The following C10orf90 variants were observed in gnomAD, a reference collection of about 807,000 sequenced individuals.
C10orf90 encodes chromosome 10 open reading frame 90, also known as (E2-independent) E3 ubiquitin-conjugating enzyme FATS.
Under a neutral mutation model 62.5 loss-of-function variants are expected in C10orf90, and 56 were observed. The ratio of observed to expected loss-of-function variants is 0.90; its 90% confidence interval spans 0.72 to 1.12. The LOEUF (loss-of-function observed/expected upper bound fraction) is 1.12. C10orf90 is among the 50% of genes most tolerant of loss of function. C10orf90 has a pLI of 0.00. For synonymous variants in C10orf90, 386 were observed against 340.4 expected (o/e 1.13, Z -1.47); for missense variants, 970 against 880.4 (o/e 1.10, Z -1.29).
intron 2 of C10orf90, among the ~76,000 whole-genome samples, chr10:126,575,322 C>G (rs1227594784): frequency 6.6e-6 from 1 of 151,736 alleles, no homozygotes; most frequent in African/African-American, 2.4e-5. Flanking sequence ...CCACTTATAA[C>G]AGCTACCAAA....
rs1857210505 is a variant in C10orf90 at position 126,425,414 on chromosome 10, C to T, written c.*450G>A. ...TTCAAATATACTATATGATGACCCACATTTTGGCATTTGCATAACTGGCAG... is the reference window on the plus strand; with the variant it reads ...TTCAAATATACTATATGATGACCCATATTTTGGCATTTGCATAACTGGCAG... On this transcript the variant is annotated 3_prime_UTR_variant, in exon 10 of 10. Transcript: ENST00000488181. The T allele has an allele frequency of 1.1e-5, 2 of 174,668 alleles. No individual in the cohort carries two copies. The highest frequency in any genetic ancestry group is 5.7e-5 in the Admixed American group (1 of 17,660). The allele number at this position is 174,668 out of a possible 1,614,324, so 10.8% of individuals were successfully genotyped here. A position where few individuals can be genotyped will look rare whatever the true frequency, so the allele number is the denominator to read the frequency against.
At chr10:126,521,519 A>C in intron 2 of C10orf90, 1 of 1,329,410 alleles carries the variant, frequency 7.5e-7, no homozygotes. Flanking sequence ...GAATGTTTAC[A>C]GGGCAACCAG....
chr10:126,490,021 AATATATAATATATAATATATATTATATAT>A (rs1564828070), intron 4 of C10orf90, among the ~76,000 whole-genome samples: 6 of 63,940 alleles, frequency 9.4e-5, no homozygotes, highest in African/African-American at 4.5e-4. Context: ...TATTATATAT[AATATATAATATATAATATATATTATATAT>A]TATGTTATAT....
chr10:126,555,680 GTAAATAAATAAA>G (rs71032506), intron 2 of C10orf90, among the ~76,000 whole-genome samples: 1,510 of 136,462 alleles, frequency 0.011, 33 homozygotes, highest in African/African-American at 0.038. Flanking sequence ...CTCTATCTCA[GTAAATAAATAAA>G]TAAATAAATA....
chr10:126,461,565 A>T lies in C10orf90; in HGVS notation c.1846T>A (p.Leu616Met), dbSNP rs1434092949. 1.2e-6 allele frequency: 2 copies of T among 1,613,896 alleles called. No homozygotes were observed. Among genetic ancestry groups the T allele is most frequent in the Admixed American group, 1.7e-5 (1 of 59,958 alleles). Reference sequence around the variant, plus strand: ...TTACATTCCTTTATTTTTACAACCAAGTCACAGCATGTGTAATCTCCTAGG... The same window carrying T: ...TTACATTCCTTTATTTTTACAACCATGTCACAGCATGTGTAATCTCCTAGG... ...FPKGDYTCCD[L>M]VVKIKECKKS... Residue 616 changes from leucine (L) to methionine (M), a missense_variant, in exon 6 of 10, where the codon TTG becomes ATG. Leu to Met is a conservative substitution (Grantham distance 15). Transcript: ENST00000488181.
chr10:126,585,382 A>AGGAGGGAAGAAGGGAGGGAGAGAGG (rs1844840991), intron 2 of C10orf90, among the ~76,000 whole-genome samples: 1 of 150,622 alleles, frequency 6.6e-6, no homozygotes, highest in African/African-American at 2.4e-5. Flanking sequence ...AAGGAAGAAA[A>AGGAGGGAAGAAGGGAGGGAGAGAGG]GAAAGGAAAG....
chr10:126,490,022 A>ATATATAATATATATTATATATTATGT (rs1861654690), intron 4 of C10orf90, among the ~76,000 whole-genome samples: 12 of 49,426 alleles, frequency 2.4e-4, no homozygotes, highest in African/African-American at 9.1e-4. Context: ...ATTATATATA[A>ATATATAATATATATTATATATTATGT]TATATAATAT....
intron 7 of C10orf90, among the ~76,000 whole-genome samples, chr10:126,442,633 GTATATATATATATATA>G (rs56368633): frequency 0.19 from 16,940 of 88,168 alleles, 1,727 homozygotes; most frequent in East Asian, 0.33. Context: ...TTGTGTGTGT[GTATATATATATATATA>G]TATATATATA....
chr10:126,585,721 A>G (rs1844857229), intron 2 of C10orf90, among the ~76,000 whole-genome samples: 1 of 152,148 alleles, frequency 6.6e-6, no homozygotes, highest in African/African-American at 2.4e-5. Context: ...TGAATTGAAG[A>G]CCAAATTGGA....
chr10:126,601,178 C>T (rs190037123), intron 2 of C10orf90, among the ~76,000 whole-genome samples: 34 of 152,186 alleles, frequency 2.2e-4, no homozygotes, highest in African/African-American at 7.7e-4. Context: ...AGAAAGCCCC[C>T]GGGTCACCAG....
intron 2 of C10orf90, among the ~76,000 whole-genome samples, chr10:126,627,157 G>A (rs778183884): frequency 5.9e-5 from 9 of 151,714 alleles, no homozygotes; most frequent in South Asian, 2.1e-4. Context: ...GCGCCACCAC[G>A]CCCGGCTAAT....
At chr10:126,588,295 G>T (rs990754256) in intron 2 of C10orf90, among the ~76,000 whole-genome samples, 8 of 152,214 alleles carry the variant, frequency 5.3e-5, no homozygotes, top group Non-Finnish European at 1.2e-4. Flanking sequence ...CATGAGGGGG[G>T]TTCCCCCAGC....
intron 2 of C10orf90, among the ~76,000 whole-genome samples, chr10:126,526,236 T>C (rs113500268): frequency 5.2e-4 from 79 of 151,242 alleles, no homozygotes; most frequent in African/African-American, 1.7e-3. Flanking sequence ...CTTCTCTCTC[T>C]GCAATTGACT....
intron 2 of C10orf90, among the ~76,000 whole-genome samples, chr10:126,633,634 G>A (rs1163393400): frequency 6.6e-6 from 1 of 152,180 alleles, no homozygotes; most frequent in African/African-American, 2.4e-5. Flanking sequence ...GGAGATGTCC[G>A]ACTTCCTGGG....
intron 7 of C10orf90, among the ~76,000 whole-genome samples, chr10:126,444,914 G>A (rs903039329): frequency 6.6e-6 from 1 of 151,992 alleles, no homozygotes; most frequent in African/African-American, 2.4e-5. Context: ...AAAACATAAA[G>A]TGGGGAAAGG....
intron 2 of C10orf90, among the ~76,000 whole-genome samples, chr10:126,550,494 T>C (rs1864608822): frequency 6.6e-6 from 1 of 152,076 alleles, no homozygotes; most frequent in Non-Finnish European, 1.5e-5. Context: ...ACAAAGGGTA[T>C]ATGAAATATT....
At chr10:126,664,479 G>T (rs997469299) in intron 1 of C10orf90, among the ~76,000 whole-genome samples, 2 of 152,176 alleles carry the variant, frequency 1.3e-5, no homozygotes, top group Admixed American at 6.5e-5. Flanking sequence ...GAACACAGAT[G>T]AGAAAACTAG....
intron 1 of C10orf90, among the ~76,000 whole-genome samples, chr10:126,665,144 C>G (rs565709514): frequency 6.6e-6 from 1 of 152,276 alleles, no homozygotes; most frequent in Non-Finnish European, 1.5e-5. Context: ...CTTTATTGCC[C>G]TTTGTGAAAC....
At position 126,621,263 on chromosome 10, in the gene C10orf90, T is replaced by C. The variant is rs543931451; in HGVS notation, c.313+25302A>G. On this transcript the variant is annotated intron_variant, in intron 2 of 9. Transcript: ENST00000488181. ...TTTACTTATAAATTGTGAATTAATT[T>C]ACATTTTAGTGAGGTTGGATATTTC... is the stretch of plus-strand genomic sequence containing the variant. Among the ~76,000 whole-genome samples, 43 of 152,366 alleles carry C rather than the reference T, an allele frequency of 2.8e-4. No individual in the cohort carries two copies. The South Asian group carries it at 5.6e-3, about 20-fold the overall frequency.
Sources: allele counts gnomAD v4.1 joint callset (sites outside exome capture counted in the v4.1 genomes callset), GRCh38; gene constraint gnomAD v4.1.1; transcripts MANE v1.5; gene names NCBI Gene and HGNC (gene_info 2026-07-23, HGNC 2026-07-21).